Variants in LDAH observed in about 807,000 individuals in gnomAD.
LDAH encodes the protein lipid droplet-associated hydrolase.
Under a neutral mutation model 29.6 loss-of-function variants are expected in LDAH, and 26 were observed. That is an observed-to-expected ratio of 0.88 (90% CI 0.64 to 1.22). The LOEUF is 1.22. Among genes scored for constraint, LDAH ranks in the 50% most tolerant of loss-of-function variants. LDAH has a pLI of 0.00. For missense variants in LDAH, 344 were observed against 387.3 expected (o/e 0.89, Z 0.94); for synonymous variants, 117 against 133.0 (o/e 0.88, Z 0.83).
At chr2:20,734,291 A>G (rs1435306480) in intron 5 of LDAH, among the ~76,000 whole-genome samples, 1 of 152,186 alleles carries the variant, frequency 6.6e-6, no homozygotes, top group African/African-American at 2.4e-5. Context: ...TTAGATTTAC[A>G]TTCAATATAA....
intron 1 of LDAH, among the ~76,000 whole-genome samples, chr2:20,804,800 T>G (rs910089754): frequency 1.3e-5 from 2 of 152,124 alleles, no homozygotes; most frequent in Non-Finnish European, 2.9e-5. Context: ...CTTAGAAAAA[T>G]GAAAAATCCC....
At chr2:20,713,737 C>T (rs1664950841) in intron 5 of LDAH, among the ~76,000 whole-genome samples, 1 of 151,276 alleles carries the variant, frequency 6.6e-6, no homozygotes, top group Non-Finnish European at 1.5e-5. Context: ...TTGCAATCCT[C>T]ATCTCAGATG....
At chr2:20,816,047 A>G (rs546374900) in intron 1 of LDAH, among the ~76,000 whole-genome samples, 1 of 152,234 alleles carries the variant, frequency 6.6e-6, no homozygotes, top group East Asian at 1.9e-4. Context: ...TCAATTGGCA[A>G]AAGGCAATAA....
chr2:20,691,268 G>A lies in LDAH; in HGVS notation c.787-4174C>T, dbSNP rs984990450. ...CAGCTTACTGGAGCCTTGACCTCCC[G>A]AGCTCAAGTGACCTTCGCACATCAG... On this transcript the variant is annotated intron_variant, in intron 6 of 6. Coordinates refer to ENST00000237822, the MANE Select transcript of LDAH (RefSeq NM_021925.4). Among the ~76,000 whole-genome samples, 14 of 152,266 alleles carry A rather than the reference G, an allele frequency of 9.2e-5. No individual in the cohort carries two copies. The East Asian group carries it at 2.3e-3, about 25-fold the overall frequency.
chr2:20,757,822 A>T (rs1272363719), intron 4 of LDAH, among the ~76,000 whole-genome samples: 5 of 152,176 alleles, frequency 3.3e-5, no homozygotes, highest in African/African-American at 1.2e-4. Context: ...ACTCAAAATG[A>T]AACATCAGCT....
intron 1 of LDAH, among the ~76,000 whole-genome samples, chr2:20,814,530 C>T (rs1404261672): frequency 6.6e-6 from 1 of 151,994 alleles, no homozygotes; most frequent in Non-Finnish European, 1.5e-5. Flanking sequence ...GCACAATCTT[C>T]GCTCACTGCA....
rs1373265159 is a variant in LDAH, at chr2:20,686,991, T to C, written c.890A>G (p.Asn297Ser). ...ATGGGTGATGAAAGCATGAGGTATG[T>C]TTTTCTCACAGAGTCGAATGTCTCC... ...PEGDIRLCEK[N>S]IPHAFITHFN... Residue 297 changes from asparagine to serine, a missense_variant, in exon 7 of 7, where the codon AAC (asparagine) becomes AGC (serine). Physicochemically the swap from Asn to Ser is conservative, Grantham distance 46 (BLOSUM62 1). Coordinates refer to ENST00000237822, the MANE Select transcript of LDAH (RefSeq NM_021925.4). The C allele has an allele frequency of 1.2e-6, 2 of 1,614,114 alleles. No homozygotes were observed. Among genetic ancestry groups the C allele is most frequent in the African/African-American group, 1.3e-5 (1 of 75,036 alleles).
intron 6 of LDAH, among the ~76,000 whole-genome samples, chr2:20,694,838 TAA>T (rs761171562): frequency 6.6e-6 from 1 of 152,264 alleles, no homozygotes; most frequent in East Asian, 1.9e-4. Context: ...GGCTAACATG[TAA>T]AGGGCCAGGA....
intron 5 of LDAH, among the ~76,000 whole-genome samples, chr2:20,723,767 T>C (rs1196428612): frequency 1.3e-5 from 2 of 152,146 alleles, no homozygotes; most frequent in African/African-American, 4.8e-5. Context: ...GCAATGACTG[T>C]CAACAGCATT....
intron 5 of LDAH, among the ~76,000 whole-genome samples, chr2:20,718,604 T>G (rs1018301716): frequency 1.3e-5 from 2 of 152,106 alleles, no homozygotes; most frequent in African/African-American, 2.4e-5. Flanking sequence ...AATAGATAGA[T>G]TATCCAGGCA....
In LDAH at chr2:20,698,152, CATCT is replaced by C. The variant is rs1572417809; in HGVS notation, c.786+3414_786+3417del. 6.6e-6 allele frequency among the ~76,000 whole-genome samples: 1 copy of C among 152,282 alleles called. No individual in the cohort carries two copies. Among genetic ancestry groups the C allele is most frequent in the East Asian group, 1.9e-4 (1 of 5,186 alleles). ...CTAGTTAATGGCGTCCCCATCTATC[CATCT>C]GTCTAGCACATATTTACTGACTGTT... On this transcript the variant is annotated intron_variant, in intron 6 of 6. Transcript: ENST00000237822. The surrounding 1 kb of genome is among the most constrained non-coding windows in gnomAD (Gnocchi z 4.4).
Position 20,740,110 on chromosome 2 carries a change from A to G in LDAH, c.564T>C (p.Tyr188=). 1 of 1,614,156 alleles carries G rather than the reference A, an allele frequency of 6.2e-7. No individual in the cohort carries two copies. Among genetic ancestry groups the G allele is most frequent in the Non-Finnish European group, 8.5e-7 (1 of 1,179,996 alleles). The change falls in exon 5 of 7, where the codon TAT becomes TAC. Residue 188 remains tyrosine, a synonymous_variant. Transcript: ENST00000237822. ...IATPLLCWFR[Y]VLYVTGYLLL... ...ATAAGTAGCCAGTAACATAGAGAACATATCGAAACCAGCACAAAAGTGGAG... is the reference window on the plus strand; with the variant it reads ...ATAAGTAGCCAGTAACATAGAGAACGTATCGAAACCAGCACAAAAGTGGAG...
At chr2:20,688,914 C>G (rs1201422921) in intron 6 of LDAH, among the ~76,000 whole-genome samples, 1 of 147,558 alleles carries the variant, frequency 6.8e-6, no homozygotes, top group South Asian at 2.1e-4. Context: ...TAGGTATACA[C>G]GTGCCACGGT....
At chr2:20,791,955 C>T (rs939777796) in intron 2 of LDAH, among the ~76,000 whole-genome samples, 3 of 152,166 alleles carry the variant, frequency 2.0e-5, no homozygotes, top group Non-Finnish European at 4.4e-5. Context: ...TTCCTTTTCT[C>T]CTCTGCCAGG....
Position 20,792,929 on chromosome 2 carries a change from G to A in LDAH, c.155-2531C>T. On this transcript the variant is annotated intron_variant, in intron 2 of 6. Transcript: ENST00000237822. ...GAACTTAACATATTTTTTTAAATGA[G>A]GAAGAATAAATAAATAAATAAAACA... is the stretch of plus-strand genomic sequence containing the variant. Among the ~76,000 whole-genome samples the A allele has an allele frequency of 2.0e-5, 3 of 152,088 alleles. 1 individual carries two copies. The South Asian group carries it at 6.2e-4, about 32-fold the overall frequency.
intron 5 of LDAH, among the ~76,000 whole-genome samples, chr2:20,709,664 T>C (rs1664563909): frequency 6.6e-6 from 1 of 152,152 alleles, no homozygotes; most frequent in Non-Finnish European, 1.5e-5. Flanking sequence ...GACAAGAGAA[T>C]TAGAAACATA....
chr2:20,731,353 GTCTT>G (rs1666391341), intron 5 of LDAH, among the ~76,000 whole-genome samples: 1 of 152,150 alleles, frequency 6.6e-6, no homozygotes, highest in Non-Finnish European at 1.5e-5. Flanking sequence ...TCTCCCACTT[GTCTT>G]TCTCAGTCCC....
chr2:20,704,926 T>C (rs746254569), intron 5 of LDAH, among the ~76,000 whole-genome samples: 4 of 152,216 alleles, frequency 2.6e-5, no homozygotes, highest in Non-Finnish European at 5.9e-5. Context: ...ATTCTTTTGA[T>C]CCAATCTTGG....
At chr2:20,743,808 C>G (rs145562430) in intron 4 of LDAH, among the ~76,000 whole-genome samples, 127 of 149,404 alleles carry the variant, frequency 8.5e-4, no homozygotes, top group Non-Finnish European at 1.3e-3. Context: ...TTGTTTCTTT[C>G]TCTCGTTCTT....
Sources: allele counts gnomAD v4.1 joint callset (sites outside exome capture counted in the v4.1 genomes callset), GRCh38; gene constraint gnomAD v4.1.1; non-coding constraint Gnocchi (gnomAD v3.1); transcripts MANE v1.5; gene names NCBI Gene and HGNC (gene_info 2026-07-23, HGNC 2026-07-21).